KCNQ3: variants seen among roughly 807,000 people sequenced by gnomAD.
KCNQ3 encodes potassium voltage-gated channel subfamily KQT member 3.
KCNQ3 carries 30 observed loss-of-function variants against 92.5 expected under a neutral mutation model. That is an observed-to-expected ratio of 0.32 (90% CI 0.24 to 0.44). The LOEUF is 0.44. Among genes scored for constraint, KCNQ3 ranks in the 20% least tolerant of loss-of-function variants. The pLI is 1.00. For missense variants in KCNQ3, 913 were observed against 1,140.3 expected (o/e 0.80, Z 2.87); for synonymous variants, 450 against 468.8 (o/e 0.96, Z 0.52).
At chr8:132,300,448 G>T (rs570896743) in intron 1 of KCNQ3, among the ~76,000 whole-genome samples, 16 of 152,312 alleles carry the variant, frequency 1.1e-4, no homozygotes, top group South Asian at 6.2e-4. Flanking sequence ...GTACATTGCA[G>T]TTTTCGTTGG....
chr8:132,208,020 T>C (rs1038544603), intron 1 of KCNQ3, among the ~76,000 whole-genome samples: 2 of 151,456 alleles, frequency 1.3e-5, no homozygotes, highest in Non-Finnish European at 2.9e-5. Context: ...ACAATAGCCA[T>C]GATGGCTGAT....
intron 1 of KCNQ3, among the ~76,000 whole-genome samples, chr8:132,466,875 A>T (rs1822184590): frequency 6.6e-6 from 1 of 152,196 alleles, no homozygotes; most frequent in Admixed American, 6.5e-5. Context: ...TTGGGGAAAA[A>T]CGTCTCTAAA....
intron 1 of KCNQ3, among the ~76,000 whole-genome samples, chr8:132,425,732 G>C (rs1205146729): frequency 6.6e-6 from 1 of 152,186 alleles, no homozygotes. Flanking sequence ...CCGGCAGCAT[G>C]AATATGAATC....
At chr8:132,342,877 G>A (rs1391125171) in intron 1 of KCNQ3, among the ~76,000 whole-genome samples, 1 of 152,156 alleles carries the variant, frequency 6.6e-6, no homozygotes, top group Non-Finnish European at 1.5e-5. Flanking sequence ...TCTTCATCAT[G>A]AGATATGGCT....
chr8:132,402,915 G>T (rs183899778), intron 1 of KCNQ3, among the ~76,000 whole-genome samples: 82 of 150,772 alleles, frequency 5.4e-4, no homozygotes, highest in African/African-American at 1.9e-3. Context: ...TTACTCAGGA[G>T]GCTGAGGCAG....
intron 1 of KCNQ3, among the ~76,000 whole-genome samples, chr8:132,323,532 A>C (rs1242871046): frequency 6.6e-6 from 1 of 152,180 alleles, no homozygotes; most frequent in African/African-American, 2.4e-5. Flanking sequence ...CATGTCCCAA[A>C]TTGTATTGTT....
At chr8:132,235,945 G>A (rs1006322433) in intron 1 of KCNQ3, among the ~76,000 whole-genome samples, 2 of 152,190 alleles carry the variant, frequency 1.3e-5, no homozygotes, top group East Asian at 3.9e-4. Context: ...CTTGGCATGT[G>A]CTCTTGGCGG....
intron 9 of KCNQ3, among the ~76,000 whole-genome samples, chr8:132,155,154 T>C (rs1289821832): frequency 6.6e-6 from 1 of 152,196 alleles, no homozygotes. Context: ...ACTACATTGT[T>C]CTTTTCAGCT....
intron 1 of KCNQ3, among the ~76,000 whole-genome samples, chr8:132,441,819 T>C (rs1821545682): frequency 6.6e-6 from 1 of 152,074 alleles, no homozygotes; most frequent in African/African-American, 2.4e-5. Flanking sequence ...CATTCTGGAA[T>C]CAACCTAAAT....
chr8:132,235,650 T>G (rs1319643336), intron 1 of KCNQ3, among the ~76,000 whole-genome samples: 4 of 152,188 alleles, frequency 2.6e-5, no homozygotes, highest in Non-Finnish European at 5.9e-5. Flanking sequence ...TTGACTAGCC[T>G]TCTCTCCTTC....
intron 11 of KCNQ3, 136 bp from the exon 12 acceptor site, chr8:132,138,152 T>TCTACCAGA: frequency 1.0e-6 from 1 of 962,240 alleles, no homozygotes; most frequent in South Asian, 1.4e-5. Flanking sequence ...CTTCCAACGT[T>TCTACCAGA]TGGTTCTGGT....
chr8:132,376,813 G>C (rs1279914240), intron 1 of KCNQ3, among the ~76,000 whole-genome samples: 13 of 152,178 alleles, frequency 8.5e-5, no homozygotes, highest in Admixed American at 7.9e-4. Flanking sequence ...AGAGATAAGT[G>C]ACACTGACTT....
chr8:132,401,954 G>GA (rs1373703117), intron 1 of KCNQ3, among the ~76,000 whole-genome samples: 1 of 113,260 alleles, frequency 8.8e-6, no homozygotes, highest in African/African-American at 2.7e-5. Context: ...TTCTGAGTGA[G>GA]AGGGCTGGTG....
At chr8:132,466,283 T>C (rs999326664) in intron 1 of KCNQ3, among the ~76,000 whole-genome samples, 2 of 151,852 alleles carry the variant, frequency 1.3e-5, no homozygotes, top group African/African-American at 4.8e-5. Flanking sequence ...CTTCCTTTAC[T>C]TAAGAATCAC....
chr8:132,411,028 A>T (rs116571885), intron 1 of KCNQ3, among the ~76,000 whole-genome samples: 3,815 of 152,292 alleles, frequency 0.025, 168 homozygotes, highest in African/African-American at 0.087. Flanking sequence ...GCTGCAGGTG[A>T]TGCTGTTGCC....
At chr8:132,132,042 C>T (rs1374640675) in intron 14 of KCNQ3, 138 bp downstream of exon 14, 12 of 664,062 alleles carry the variant, frequency 1.8e-5, no homozygotes, top group East Asian at 2.8e-5. Context: ...GAGTCAAGAT[C>T]GCGCCATTGC....
At chr8:132,389,538 A>C (rs190984567) in intron 1 of KCNQ3, among the ~76,000 whole-genome samples, 1 of 152,240 alleles carries the variant, frequency 6.6e-6, no homozygotes, top group Non-Finnish European at 1.5e-5. Flanking sequence ...CATTTGCTGC[A>C]CATATAACTA....
intron 1 of KCNQ3, among the ~76,000 whole-genome samples, chr8:132,332,889 C>T (rs542097135): frequency 1.3e-5 from 2 of 152,320 alleles, no homozygotes; most frequent in South Asian, 4.1e-4. Context: ...TTCATTGCAT[C>T]GCTGTGCCAT....
chr8:132,323,397 T>C (rs1286112340), intron 1 of KCNQ3, among the ~76,000 whole-genome samples: 5 of 152,102 alleles, frequency 3.3e-5, no homozygotes. Flanking sequence ...TGTGGCTGAG[T>C]TCATGCCACA....
Sources: gnomAD v4.1 joint callset for allele counts (sites outside exome capture counted in the v4.1 genomes callset) on GRCh38, gnomAD v4.1.1 for gene constraint, MANE v1.5 for transcripts, NCBI Gene and HGNC (gene_info 2026-07-23, HGNC 2026-07-21) for gene names.